The following CCDC80 variants were observed in gnomAD, a reference collection of about 807,000 sequenced individuals.
The protein encoded by CCDC80 is coiled-coil domain-containing protein 80.
In CCDC80, 49 loss-of-function variants were observed where a neutral mutation model predicts 78.7. The ratio of observed to expected loss-of-function variants is 0.62; its 90% CI spans 0.50 to 0.79. The LOEUF (loss-of-function observed/expected upper bound fraction) is 0.79, where lower values mean the gene tolerates loss of function less well. Ranked by LOEUF, CCDC80 falls within the 30% of genes least tolerant of loss-of-function variation. The pLI is 0.00. For missense variants in CCDC80, 1,205 were observed against 1,198.6 expected, an observed-to-expected ratio of 1.01 and a Z score of -0.08; for synonymous variants, 488 against 447.0, an observed-to-expected ratio of 1.09 and a Z score of -1.16.
Position 112,638,962 on chromosome 3 carries a change from G to C in CCDC80, c.944C>G (p.Pro315Arg), listed in dbSNP as rs780750409. The change falls in exon 2 of 8, where the codon CCA becomes CGA. Residue 315 changes from proline (P) to arginine (R), a missense_variant. Pro to Arg is a moderately radical substitution (Grantham distance 103). Transcript: ENST00000206423. The stretch of plus-strand genomic sequence containing the variant: ...GGTTGGTGGGACTTGTGCTCTCCTT[G>C]GGTCCTCTTTCTTCTTCTCGCTGCC... ...SLGSEKKKED[P>R]RRAQVPPTRE... is the part of the protein sequence containing the mutation. The C allele has an allele frequency of 1.3e-5, 21 of 1,612,752 alleles. No homozygotes were observed. The highest frequency in any genetic ancestry group is 1.6e-4 in the Middle Eastern group (1 of 6,062).
rs1430574748 is a variant in CCDC80 at position 112,618,233 on chromosome 3, AC to A, written c.2172+734del. 5.9e-5 allele frequency among the ~76,000 whole-genome samples: 9 copies of A among 152,284 alleles called. No individual in the cohort carries two copies. In the East Asian group the frequency reaches 1.2e-3, roughly 20 times the overall value. On this transcript the variant is annotated intron_variant, in intron 4 of 7. Coordinates refer to ENST00000206423, the MANE Select transcript of CCDC80 (RefSeq NM_199511.3). ...AAAGAAACTAGGTGTAAAACCCCAA[AC>A]TTTTGGCAGGGCGTGGTGGCTCACG...
At chr3:112,615,047 G>C (rs1935705614) in intron 5 of CCDC80, among the ~76,000 whole-genome samples, 1 of 152,174 alleles carries the variant, frequency 6.6e-6, no homozygotes, top group South Asian at 2.1e-4. Flanking sequence ...GAGATGGATG[G>C]AGATAGAGCT....
Position 112,639,014 on chromosome 3 carries a change from C to T in CCDC80, c.892G>A (p.Gly298Arg). The change falls in exon 2 of 8, where the codon GGA becomes AGA. Residue 298 changes from glycine to arginine, a missense_variant. Gly to Arg is a moderately radical substitution (Grantham distance 125). Coordinates refer to ENST00000206423, the MANE Select transcript of CCDC80 (RefSeq NM_199511.3). ...GQVVAEGNDGGGGAGRPSLGS... is the reference protein window; with the variant it reads ...GQVVAEGNDGRGGAGRPSLGS... ...AGGCTTGGCCTTCCTGCTCCCCCTC[C>T]ACCGTCATTCCCCTCCGCCACCACC... 6.2e-7 allele frequency: 1 copy of T among 1,611,232 alleles called. No homozygotes were observed. The highest frequency in any genetic ancestry group is 8.5e-7 in the Non-Finnish European group (1 of 1,180,002).
chr3:112,610,140 G>A (rs771011068), intron 5 of CCDC80, 59 bp from the exon 6 acceptor site: 3 of 1,450,204 alleles, frequency 2.1e-6, no homozygotes, highest in East Asian at 4.6e-5. Context: ...AAAAACCAAT[G>A]TAGGAAACCA....
Position 112,631,278 on chromosome 3 carries a change from C to G in CCDC80, c.1879-1009G>C, listed in dbSNP as rs78687613. On this transcript the variant is annotated intron_variant, in intron 2 of 7. Coordinates refer to ENST00000206423, the MANE Select transcript of CCDC80 (RefSeq NM_199511.3). ...CAATCCTTGAGCTGAAGCTAGAACT[C>G]TGTTCCACATCCCACAAGCTAGTGG... Among the ~76,000 whole-genome samples the G allele has an allele frequency of 6.2e-3, 937 of 152,256 alleles. 8 individuals carry two copies. The highest frequency in any genetic ancestry group is 0.021 in the African/African-American group (887 of 41,538).
Position 112,639,773 on chromosome 3 carries a change from T to C in CCDC80, c.133A>G (p.Ser45Gly), listed in dbSNP as rs1559883600. Residue 45 changes from serine (S) to glycine (G), a missense_variant, in exon 2 of 8, where the codon AGC becomes GGC. By Grantham distance (56) the Ser-to-Gly change is moderately conservative (BLOSUM62 0). Coordinates refer to ENST00000206423, the MANE Select transcript of CCDC80 (RefSeq NM_199511.3). ...GRKVPLVSPD[S>G]SRPARFLRHT... Reference sequence around the variant, plus strand: ...CTCAGAAACCGAGCTGGCCTACTGCTGTCCGGAGAAACCAAAGGCACTTTC... The same window carrying C: ...CTCAGAAACCGAGCTGGCCTACTGCCGTCCGGAGAAACCAAAGGCACTTTC... 3.7e-6 allele frequency: 6 copies of C among 1,614,164 alleles called. No individual in the cohort carries two copies. Among genetic ancestry groups the C allele is most frequent in the Non-Finnish European group, 5.1e-6 (6 of 1,180,020 alleles).
intron 2 of CCDC80, among the ~76,000 whole-genome samples, chr3:112,636,264 T>C (rs1295940633): frequency 6.6e-6 from 1 of 152,224 alleles, no homozygotes; most frequent in Non-Finnish European, 1.5e-5. Context: ...AGAGTTTTAC[T>C]CTGAAATCTG....
chr3:112,609,250 C>G (rs1184195716), intron 6 of CCDC80, among the ~76,000 whole-genome samples: 1 of 152,088 alleles, frequency 6.6e-6, no homozygotes, highest in Non-Finnish European at 1.5e-5. Flanking sequence ...ATTTTACTGC[C>G]TATATATCCA....
chr3:112,608,755 CTT>C (rs1935564299), intron 6 of CCDC80, among the ~76,000 whole-genome samples: 1 of 152,062 alleles, frequency 6.6e-6, no homozygotes, highest in Admixed American at 6.5e-5. Context: ...AATATAAAGT[CTT>C]AAATTATTAA....
At chr3:112,611,880 C>G (rs895846869) in intron 5 of CCDC80, among the ~76,000 whole-genome samples, 11 of 152,086 alleles carry the variant, frequency 7.2e-5, no homozygotes, top group Admixed American at 1.3e-4. Context: ...CAGGAGTGAA[C>G]ATGAGAGTTT....
In CCDC80 at chr3:112,605,264, A is replaced by G; in HGVS notation, c.*153T>C. On this transcript the variant is annotated 3_prime_UTR_variant, in exon 8 of 8. Transcript: ENST00000206423. ...TTGAGGTTTCAATAATAACTCATGA[A>G]TAGGTGAAAGTTTGCTATTTATTTA... 1.8e-6 allele frequency: 1 copy of G among 566,896 alleles called. No homozygotes were observed. The highest frequency in any genetic ancestry group is 3.1e-6 in the Non-Finnish European group (1 of 324,990). The allele number at this position is 566,896 out of a possible 1,614,324, so 35.1% of individuals were successfully genotyped here. A position where few individuals can be genotyped will look rare whatever the true frequency, so the allele number is the denominator to read the frequency against.
chr3:112,631,097 T>C (rs1041639009), intron 2 of CCDC80, among the ~76,000 whole-genome samples: 2 of 152,214 alleles, frequency 1.3e-5, no homozygotes, highest in Admixed American at 1.3e-4. Flanking sequence ...TTATTTTGGA[T>C]ACAGTAAGGA....
intron 7 of CCDC80, 29 bp downstream of exon 7, chr3:112,607,137 AACACTAGTTC>A: frequency 6.9e-7 from 1 of 1,445,676 alleles, no homozygotes; most frequent in Non-Finnish European, 9.6e-7. Flanking sequence ...AACTGAACTT[AACACTAGTTC>A]ATACTGTTTC....
Position 112,603,721 on chromosome 3 carries a change from A to C in CCDC80, c.*1696T>G, listed in dbSNP as rs1935416873. ...GCTAACACAATACCTATTGTGCAGC[A>C]CAGGAATCAAGGAGTCATTTGCACT... is the stretch of plus-strand genomic sequence containing the variant. On this transcript the variant is annotated 3_prime_UTR_variant, in exon 8 of 8. Coordinates refer to ENST00000206423, the MANE Select transcript of CCDC80 (RefSeq NM_199511.3). The C allele has an allele frequency of 1.3e-5, 2 of 151,982 alleles. No individual in the cohort carries two copies. Among genetic ancestry groups the C allele is most frequent in the South Asian group, 4.1e-4 (2 of 4,822 alleles). The allele number at this position is 151,982 out of a possible 1,614,324, so 9.4% of individuals were successfully genotyped here.
Position 112,602,794 on chromosome 3 carries a change from A to C in CCDC80, c.*2623T>G, listed in dbSNP as rs1935397025. The C allele has an allele frequency of 6.6e-6, 1 of 152,278 alleles. No individual in the cohort carries two copies. The highest frequency in any genetic ancestry group is 1.5e-5 in the Non-Finnish European group (1 of 68,066). 9.4% of individuals were successfully genotyped at this position (152,278 alleles called of 1,614,324 possible). ...GCCTTGTGCATCCATAAAAGTGCAA[A>C]GTAAAGCAGCAAATGTTGATGTAGA... On this transcript the variant is annotated 3_prime_UTR_variant, in exon 8 of 8. Coordinates refer to ENST00000206423, the MANE Select transcript of CCDC80 (RefSeq NM_199511.3).
At position 112,605,209 on chromosome 3, in the gene CCDC80, A is replaced by T; in HGVS notation, c.*208T>A. The T allele has an allele frequency of 2.2e-6, 1 of 457,556 alleles. No individual in the cohort carries two copies. Among genetic ancestry groups the T allele is most frequent in the Non-Finnish European group, 3.8e-6 (1 of 261,926 alleles). 28.3% of individuals were successfully genotyped at this position (457,556 alleles called of 1,614,324 possible). On this transcript the variant is annotated 3_prime_UTR_variant, in exon 8 of 8. Transcript: ENST00000206423. ...TTAGCACTAGAGCCCCTCCAGTTAG[A>T]AAAACAATTCTTTTAAATGTCTTTA...
At position 112,639,480 on chromosome 3, in the gene CCDC80, A is replaced by C; in HGVS notation, c.426T>G (p.Leu142=). The part of the protein sequence containing the change: ...FPSGSSSPNI[L]ASFAGKNRVW... ...CTCTGTTCTTCCCTGCAAAGCTGGC[A>C]AGGATGTTGGGAGAGCTGGACCCCG... The change falls in exon 2 of 8, where the codon CTT becomes CTG. Residue 142 remains leucine (L), a synonymous_variant. Transcript: ENST00000206423. 6.2e-7 allele frequency: 1 copy of C among 1,614,162 alleles called. No homozygotes were observed. The highest frequency in any genetic ancestry group is 1.1e-5 in the South Asian group (1 of 91,082).
chr3:112,609,920 G>A, intron 6 of CCDC80, 58 bp downstream of exon 6: 1 of 1,220,160 alleles, frequency 8.2e-7, no homozygotes, highest in South Asian at 1.3e-5. Context: ...TTCCATTTTA[G>A]AATTGACCAG....
chr3:112,620,791 G>C (rs1226475146), intron 3 of CCDC80, among the ~76,000 whole-genome samples: 1 of 152,116 alleles, frequency 6.6e-6, no homozygotes, highest in Non-Finnish European at 1.5e-5. Context: ...CTGATTCTAA[G>C]ACTTTACAAA....
Sources: allele counts gnomAD v4.1 joint callset (sites outside exome capture counted in the v4.1 genomes callset), GRCh38; gene constraint gnomAD v4.1.1; transcripts MANE v1.5; gene names NCBI Gene and HGNC (gene_info 2026-07-23, HGNC 2026-07-21).